Variants in ZFHX3 observed in about 807,000 individuals in gnomAD.
ZFHX3 encodes zinc finger homeobox 3, also known as zinc finger homeobox protein 3.
In ZFHX3, 42 loss-of-function variants were observed where a neutral mutation model predicts 279.1. The observed-to-expected ratio is 0.15, with a 90% CI of 0.12 to 0.19. The LOEUF (loss-of-function observed/expected upper bound fraction) is 0.19, where lower values mean the gene tolerates loss of function less well. Among genes scored for constraint, ZFHX3 ranks in the 10% least tolerant of loss-of-function variants. The pLI, the probability that ZFHX3 is intolerant of heterozygous loss-of-function variation, is 1.00. For missense variants in ZFHX3, 4,981 were observed against 4,754.0 expected (o/e 1.05, Z -1.40); for synonymous variants, 2,293 against 1,957.8 (o/e 1.17, Z -4.52).
chr16:73,323,697 C>G (rs574311899), intron 3 of ZFHX3, among the ~76,000 whole-genome samples: 27 of 152,232 alleles, frequency 1.8e-4, no homozygotes, highest in African/African-American at 6.3e-4. Flanking sequence ...GGCTGACGAT[C>G]TAGGAAGCTA....
intron 5 of ZFHX3, among the ~76,000 whole-genome samples, chr16:73,224,129 C>T (rs1004304535): frequency 2.0e-5 from 3 of 152,056 alleles, no homozygotes; most frequent in Admixed American, 6.5e-5. Flanking sequence ...TTGTCCAAAC[C>T]CATAGAATAT....
At chr16:73,089,284 A>G (rs527981567) in intron 8 of ZFHX3, among the ~76,000 whole-genome samples, 1 of 152,052 alleles carries the variant, frequency 6.6e-6, no homozygotes, top group South Asian at 2.1e-4. Context: ...TTGTATTTTT[A>G]ATAAAGACGA....
chr16:72,910,758 T>C (rs1041952063), intron 3 of ZFHX3, among the ~76,000 whole-genome samples: 3 of 152,110 alleles, frequency 2.0e-5, no homozygotes, highest in African/African-American at 4.8e-5. Context: ...TCTGCCAATT[T>C]CCCATACAAT....
At chr16:73,121,869 C>G (rs184052229) in intron 7 of ZFHX3, among the ~76,000 whole-genome samples, 12 of 152,236 alleles carry the variant, frequency 7.9e-5, no homozygotes, top group Middle Eastern at 6.8e-3. Flanking sequence ...CCTGCCTCGG[C>G]CTCCGAAAGT....
At chr16:73,699,959 C>G (rs2053231718) in intron 1 of ZFHX3, among the ~76,000 whole-genome samples, 1 of 152,306 alleles carries the variant, frequency 6.6e-6, no homozygotes, top group East Asian at 1.9e-4. Flanking sequence ...TGCAGTGGCT[C>G]ATACCTGTAA....
At chr16:73,882,714 T>A (rs1468614991) in intron 1 of ZFHX3, among the ~76,000 whole-genome samples, 2 of 152,180 alleles carry the variant, frequency 1.3e-5, no homozygotes, top group African/African-American at 4.8e-5. Flanking sequence ...TTCACCCATT[T>A]TCCCCTTTCC....
chr16:73,889,913 C>A (rs1053269842), intron 1 of ZFHX3, among the ~76,000 whole-genome samples: 1 of 152,122 alleles, frequency 6.6e-6, no homozygotes, highest in African/African-American at 2.4e-5. Context: ...AAGTCCTTAA[C>A]AATAACAGGG....
intron 8 of ZFHX3, among the ~76,000 whole-genome samples, chr16:73,077,568 G>A (rs1965900469): frequency 1.3e-5 from 2 of 151,494 alleles, no homozygotes; most frequent in South Asian, 4.2e-4. Flanking sequence ...AAAAAAAAAG[G>A]CATATCTACT....
chr16:73,757,833 A>G (rs1478734596), intron 1 of ZFHX3, among the ~76,000 whole-genome samples: 1 of 152,224 alleles, frequency 6.6e-6, no homozygotes, highest in Non-Finnish European at 1.5e-5. Context: ...CCTGTGTCCA[A>G]GAAGCCCAGG....
chr16:73,140,008 C>G (rs971981140), intron 6 of ZFHX3, among the ~76,000 whole-genome samples: 4 of 152,124 alleles, frequency 2.6e-5, no homozygotes, highest in African/African-American at 9.7e-5. Flanking sequence ...TGGCTCACAC[C>G]TGTAATCCCA....
At chr16:73,256,458 T>A (rs1289943066) in intron 5 of ZFHX3, among the ~76,000 whole-genome samples, 1 of 152,198 alleles carries the variant, frequency 6.6e-6, no homozygotes, top group African/African-American at 2.4e-5. Context: ...TCTCAAATAT[T>A]ACTGAGCATC....
At chr16:73,728,015 G>GCCCCGC (rs2053534576) in intron 1 of ZFHX3, among the ~76,000 whole-genome samples, 1 of 75,426 alleles carries the variant, frequency 1.3e-5, no homozygotes, top group Admixed American at 1.8e-4. Flanking sequence ...GCCGAATTGT[G>GCCCCGC]CCCCCCCCCC....
intron 2 of ZFHX3, among the ~76,000 whole-genome samples, chr16:73,480,451 AC>A (rs1468726626): frequency 1.3e-5 from 2 of 151,532 alleles, no homozygotes; most frequent in Admixed American, 1.3e-4. Flanking sequence ...CCTATTTTTA[AC>A]TCCTCCTGCC....
At chr16:72,810,592 A>G (rs902997565) in intron 7 of ZFHX3, among the ~76,000 whole-genome samples, 2 of 152,212 alleles carry the variant, frequency 1.3e-5, no homozygotes, top group Admixed American at 6.5e-5. Context: ...ACATCTTTAC[A>G]CTAATTAGGC....
At chr16:73,399,680 C>T (rs892550693) in intron 3 of ZFHX3, among the ~76,000 whole-genome samples, 1 of 152,134 alleles carries the variant, frequency 6.6e-6, no homozygotes, top group East Asian at 1.9e-4. Context: ...CAACAGGAAT[C>T]GAGTGCTGTT....
upstream of ZFHX3, among the ~76,000 whole-genome samples, chr16:73,063,078 C>G (rs1274124359): frequency 6.6e-6 from 1 of 152,248 alleles, no homozygotes; most frequent in East Asian, 1.9e-4. Flanking sequence ...GCCCGGCAGC[C>G]TCGTCCTTTT....
At chr16:73,385,231 G>A (rs1707668235) in intron 3 of ZFHX3, among the ~76,000 whole-genome samples, 1 of 151,874 alleles carries the variant, frequency 6.6e-6, no homozygotes, top group African/African-American at 2.4e-5. Context: ...ATCCCTTTTT[G>A]CTTCTGCCAT....
chr16:73,890,092 A>C (rs1055401611), intron 1 of ZFHX3, among the ~76,000 whole-genome samples: 1 of 152,164 alleles, frequency 6.6e-6, no homozygotes, highest in Non-Finnish European at 1.5e-5. Context: ...ATTCTCCCAA[A>C]GAAGTAGTAG....
intron 1 of ZFHX3, among the ~76,000 whole-genome samples, chr16:72,985,769 C>G (rs1763883734): frequency 6.6e-6 from 1 of 152,124 alleles, no homozygotes; most frequent in Non-Finnish European, 1.5e-5. Context: ...CTTGCTTGGG[C>G]TGTGACCAGA....
Sources: gnomAD v4.1 joint callset for allele counts (sites outside exome capture counted in the v4.1 genomes callset) on GRCh38, gnomAD v4.1.1 for gene constraint, MANE v1.5 for transcripts, NCBI Gene and HGNC (gene_info 2026-07-23, HGNC 2026-07-21) for gene names.